Variants in MEI4 observed in about 807,000 individuals in gnomAD.
The protein encoded by MEI4 is meiosis-specific protein MEI4.
A neutral mutation model predicts 31.4 loss-of-function variants in MEI4; 27 were observed. That is an observed-to-expected ratio of 0.86 (90% CI 0.63 to 1.19). The LOEUF is 1.19. Among genes scored for constraint, MEI4 ranks in the 50% most tolerant of loss-of-function variants. MEI4 has a pLI of 0.00. For synonymous variants in MEI4, 122 were observed against 145.4 expected (o/e 0.84, Z 1.16); for missense variants, 329 against 398.9 (o/e 0.82, Z 1.49).
chr6:77,740,586 A>G (rs983244761), intron 2 of MEI4, among the ~76,000 whole-genome samples: 5 of 152,232 alleles, frequency 3.3e-5, no homozygotes, highest in Admixed American at 6.5e-5. Context: ...TTCCTGTTTG[A>G]CCACCAGGTG....
chr6:77,846,898 G>A (rs925336045), intron 4 of MEI4, among the ~76,000 whole-genome samples: 1 of 152,146 alleles, frequency 6.6e-6, no homozygotes, highest in Non-Finnish European at 1.5e-5. Context: ...TGTTTGGTGA[G>A]TCTAGGAGAA....
Position 77,743,760 on chromosome 6 carries a change from C to G in MEI4, c.233-17370C>G, listed in dbSNP as rs549093498. Reference sequence around the variant, plus strand: ...ACACCTCACATGGCCAGGTACTCCTCTGAGACAAAACTTCCAGAGGAAAGA... The same window carrying G: ...ACACCTCACATGGCCAGGTACTCCTGTGAGACAAAACTTCCAGAGGAAAGA... On this transcript the variant is annotated intron_variant, in intron 2 of 4. Coordinates refer to ENST00000684080, the MANE Select transcript of MEI4 (RefSeq NM_001322247.2). Among the ~76,000 whole-genome samples the G allele has an allele frequency of 1.4e-3, 213 of 152,292 alleles. 1 individual carries two copies. The highest frequency in any genetic ancestry group is 4.5e-3 in the African/African-American group (187 of 41,578).
rs189400660 is a variant in MEI4 at position 77,801,046 on chromosome 6, G to C, written c.769-27885G>C. On this transcript the variant is annotated intron_variant, in intron 3 of 4. Transcript: ENST00000684080. The stretch of plus-strand genomic sequence containing the variant: ...AGGATTCCCTCTTTTTCTATTGATT[G>C]GAATAATTTCAGAAGGAATGGTACC... Among the ~76,000 whole-genome samples the C allele has an allele frequency of 1.4e-3, 213 of 152,232 alleles. 1 individual carries two copies. The highest frequency in any genetic ancestry group is 4.5e-3 in the African/African-American group (187 of 41,536).
chr6:77,830,160 A>G (rs1770044584), intron 4 of MEI4, among the ~76,000 whole-genome samples: 1 of 152,104 alleles, frequency 6.6e-6, no homozygotes, highest in Non-Finnish European at 1.5e-5. Context: ...ATTTACAGAA[A>G]AGGAAGTACT....
At chr6:77,671,730 A>G (rs1243177124) in intron 1 of MEI4, among the ~76,000 whole-genome samples, 1 of 151,940 alleles carries the variant, frequency 6.6e-6, no homozygotes, top group Non-Finnish European at 1.5e-5. Flanking sequence ...GACTGTTCCC[A>G]TGTTATTATG....
chr6:77,676,552 A>T (rs1042871192), intron 1 of MEI4, among the ~76,000 whole-genome samples: 1 of 152,086 alleles, frequency 6.6e-6, no homozygotes, highest in South Asian at 2.1e-4. Flanking sequence ...ATAAATGTTA[A>T]ATAACCACTG....
chr6:77,707,027 ATGTGGTTT>A (rs1766347410), intron 2 of MEI4, among the ~76,000 whole-genome samples: 1 of 152,054 alleles, frequency 6.6e-6, no homozygotes, highest in African/African-American at 2.4e-5. Context: ...GAAAATGTGG[ATGTGGTTT>A]TGAAAGTGGG....
chr6:77,838,713 C>G (rs1431012181), intron 4 of MEI4, among the ~76,000 whole-genome samples: 5 of 151,978 alleles, frequency 3.3e-5, no homozygotes, highest in African/African-American at 9.7e-5. Flanking sequence ...ACCAGCCTGG[C>G]CAACATAGTG....
intron 2 of MEI4, among the ~76,000 whole-genome samples, chr6:77,707,006 TA>T (rs1766347094): frequency 7.1e-6 from 1 of 140,230 alleles, no homozygotes; most frequent in Non-Finnish European, 1.6e-5. Flanking sequence ...GACGTTGCTA[TA>T]AAGATACCTG....
chr6:77,671,074 T>TTC, intron 1 of MEI4, among the ~76,000 whole-genome samples: 1 of 149,694 alleles, frequency 6.7e-6, no homozygotes, highest in Non-Finnish European at 1.5e-5. Context: ...TTTTTTTTTT[T>TTC]TGAGATGGAG....
chr6:77,904,072 A>T (rs1766241546), intron 4 of MEI4, among the ~76,000 whole-genome samples: 1 of 152,080 alleles, frequency 6.6e-6, no homozygotes. Context: ...GAAAAGTAAG[A>T]ACTTAGTACT....
chr6:77,661,198 C>A (rs1273629941), intron 1 of MEI4, among the ~76,000 whole-genome samples: 3 of 152,066 alleles, frequency 2.0e-5, no homozygotes, highest in Admixed American at 6.5e-5. Flanking sequence ...TGAGGTGTGC[C>A]TTTAAAAGAC....
chr6:77,840,945 T>C (rs1285754468), intron 4 of MEI4, among the ~76,000 whole-genome samples: 1 of 152,100 alleles, frequency 6.6e-6, no homozygotes, highest in Non-Finnish European at 1.5e-5. Context: ...TAATAAACTG[T>C]GCTTCACATG....
intron 1 of MEI4, among the ~76,000 whole-genome samples, 135 bp downstream of exon 1, chr6:77,653,227 T>C (rs1196952476): frequency 3.3e-5 from 5 of 152,182 alleles, no homozygotes; most frequent in Admixed American, 1.3e-4. Flanking sequence ...GGTGGCTAAA[T>C]ATGAACTAAG....
chr6:77,894,366 G>T (rs1239306316), intron 4 of MEI4, among the ~76,000 whole-genome samples: 2 of 151,992 alleles, frequency 1.3e-5, no homozygotes, highest in African/African-American at 2.4e-5. Context: ...GGCAGGTGTG[G>T]TAAATGGTGA....
chr6:77,733,261 C>T (rs1231076053), intron 2 of MEI4, among the ~76,000 whole-genome samples: 5 of 151,934 alleles, frequency 3.3e-5, no homozygotes, highest in Admixed American at 6.6e-5. Context: ...TGATCCTGGA[C>T]TCTTTTTGGT....
At chr6:77,685,307 C>T (rs536114969) in intron 1 of MEI4, among the ~76,000 whole-genome samples, 5 of 146,576 alleles carry the variant, frequency 3.4e-5, no homozygotes, top group South Asian at 2.2e-4. Context: ...TGGGTTGTCC[C>T]TTCACTTTTT....
chr6:77,651,843 CT>C (rs1768305627), upstream of MEI4, among the ~76,000 whole-genome samples: 1 of 151,958 alleles, frequency 6.6e-6, no homozygotes, highest in African/African-American at 2.4e-5. Context: ...GTTTTTTATT[CT>C]TTTTTTGTGA....
chr6:77,769,594 C>T lies in MEI4; in HGVS notation c.768+7929C>T, dbSNP rs189686292. On this transcript the variant is annotated intron_variant, in intron 3 of 4. Coordinates refer to ENST00000684080, the MANE Select transcript of MEI4 (RefSeq NM_001322247.2). Reference sequence around the variant, plus strand: ...AGTACAGATTGTACCTCCAAGACCCCTTCCATCTGCTTGAGGAAGGTGGAG... The same window carrying T: ...AGTACAGATTGTACCTCCAAGACCCTTTCCATCTGCTTGAGGAAGGTGGAG... Among the ~76,000 whole-genome samples, 94 of 152,164 alleles carry T rather than the reference C, an allele frequency of 6.2e-4. No individual in the cohort carries two copies. In the South Asian group the frequency reaches 7.5e-3, roughly 12 times the overall value.
Sources: allele counts gnomAD v4.1 joint callset (sites outside exome capture counted in the v4.1 genomes callset), GRCh38; gene constraint gnomAD v4.1.1; transcripts MANE v1.5; gene names NCBI Gene and HGNC (gene_info 2026-07-23, HGNC 2026-07-21).